ROCK2: variants seen among roughly 807,000 people sequenced by gnomAD.
ROCK2 encodes the protein Rho associated coiled-coil containing protein kinase 2, also known as rho-associated protein kinase 2.
A neutral mutation model predicts 195.1 loss-of-function variants in ROCK2; 61 were observed. That is an observed-to-expected ratio of 0.31 (90% confidence interval 0.25 to 0.39). The LOEUF is 0.39. Ranked by LOEUF, ROCK2 falls within the 10% of genes least tolerant of loss-of-function variation. ROCK2 has a pLI of 1.00. For missense variants in ROCK2, 1,109 were observed against 1,637.4 expected, an observed-to-expected ratio of 0.68 and a Z score of 5.57; for synonymous variants, 504 against 545.5, an observed-to-expected ratio of 0.92 and a Z score of 1.06.
At chr2:11,219,284 G>T (rs1664540661) in intron 9 of ROCK2, among the ~76,000 whole-genome samples, 1 of 135,092 alleles carries the variant, frequency 7.4e-6, no homozygotes, top group Non-Finnish European at 1.5e-5. Context: ...AAGATCACCT[G>T]AGGTCAGGAG....
chr2:11,281,489 G>A (rs1200961443), intron 3 of ROCK2, among the ~76,000 whole-genome samples: 1 of 152,084 alleles, frequency 6.6e-6, no homozygotes, highest in Non-Finnish European at 1.5e-5. Flanking sequence ...AAAGTTTCCT[G>A]GAACAAGTCA....
At chr2:11,312,992 G>C (rs749383237) in intron 1 of ROCK2, among the ~76,000 whole-genome samples, 1 of 152,048 alleles carries the variant, frequency 6.6e-6, no homozygotes, top group Non-Finnish European at 1.5e-5. Flanking sequence ...TGATGAAGTG[G>C]AGCACGGGGG....
At chr2:11,208,799 G>A (rs555019036) in intron 18 of ROCK2, among the ~76,000 whole-genome samples, 8 of 152,000 alleles carry the variant, frequency 5.3e-5, no homozygotes, top group African/African-American at 1.9e-4. Context: ...TGCCATGTTG[G>A]CCAGGCTGGT....
chr2:11,263,675 A>C lies in ROCK2; in HGVS notation c.325-13877T>G, dbSNP rs1199505338. Among the ~76,000 whole-genome samples the C allele has an allele frequency of 3.4e-4, 51 of 150,442 alleles. No individual in the cohort carries two copies. The South Asian group carries it at 8.9e-3, about 26-fold the overall frequency. ...GGCACACACACACACACACACACAA[A>C]AAAAAACAAAGAGCATGCTCTGAAA... On this transcript the variant is annotated intron_variant, in intron 3 of 32. Coordinates refer to ENST00000315872, the MANE Select transcript of ROCK2 (RefSeq NM_004850.5).
chr2:11,287,783 G>A (rs1450308122), intron 1 of ROCK2, 47 bp from the exon 2 acceptor site: 2 of 780,684 alleles, frequency 2.6e-6, no homozygotes, highest in Admixed American at 2.9e-5. Flanking sequence ...CAATTTCCAA[G>A]CATTCATTTA....
intron 1 of ROCK2, among the ~76,000 whole-genome samples, chr2:11,343,218 C>CA (rs1669162406): frequency 6.6e-6 from 1 of 152,172 alleles, no homozygotes; most frequent in African/African-American, 2.4e-5. Context: ...TCTATCCTAA[C>CA]AAAAATAAGA....
chr2:11,250,961 A>G (rs1665810041), intron 3 of ROCK2, among the ~76,000 whole-genome samples: 1 of 152,038 alleles, frequency 6.6e-6, no homozygotes, highest in African/African-American at 2.4e-5. Flanking sequence ...GCCTGGAATC[A>G]CCTCCTGTAG....
intron 1 of ROCK2, among the ~76,000 whole-genome samples, chr2:11,324,275 A>G (rs1668481930): frequency 1.3e-5 from 2 of 152,162 alleles, no homozygotes; most frequent in Admixed American, 1.3e-4. Context: ...TCTCCACTAA[A>G]AATACAAAAA....
rs1230284027 is a variant in ROCK2 at position 11,197,225 on chromosome 2, T to C, written c.3403A>G (p.Ile1135Val). The stretch of plus-strand genomic sequence containing the variant: ...TCAGCATCCCCTGGTCCACTGCCTA[T>C]ACTGGAACTATCCAGACCAATATGC... ...ALHIGLDSSS[I>V]GSGPGDAEAD... Residue 1135 changes from isoleucine (I) to valine (V), a missense_variant, in exon 27 of 33, where the codon ATA (isoleucine) becomes GTA (valine). This residue lies in a region of ROCK2 where 221 missense variants were observed against 355.1 expected (regional missense o/e 0.62). Transcript: ENST00000315872. This position sits in a 1 kb window ranked among gnomAD's most constrained non-coding sequence, Gnocchi z 4.9. The C allele has an allele frequency of 3.1e-6, 5 of 1,613,772 alleles. No homozygotes were observed. Among genetic ancestry groups the C allele is most frequent in the Non-Finnish European group, 4.2e-6 (5 of 1,179,822 alleles).
At chr2:11,295,461 T>C (rs745324637) in intron 1 of ROCK2, among the ~76,000 whole-genome samples, 12 of 152,008 alleles carry the variant, frequency 7.9e-5, no homozygotes, top group Non-Finnish European at 1.3e-4. Flanking sequence ...AACACATACA[T>C]GCAAGAAAAA....
rs1470236810 is a variant in ROCK2, at chr2:11,212,857, C to G, written c.2044-1017G>C. ...TTACATACCAATGACTCAAATATTT[C>G]TAACTTCTACTACTATAGCCTACTG... is the stretch of plus-strand genomic sequence containing the variant. On this transcript the variant is annotated intron_variant, in intron 17 of 32. Transcript: ENST00000315872. Among the ~76,000 whole-genome samples, 7 of 152,116 alleles carry G rather than the reference C, an allele frequency of 4.6e-5. No individual in the cohort carries two copies. In the East Asian group the frequency reaches 1.2e-3, roughly 25 times the overall value.
intron 4 of ROCK2, among the ~76,000 whole-genome samples, chr2:11,238,115 T>C (rs1665279866): frequency 6.6e-6 from 1 of 152,020 alleles, no homozygotes; most frequent in Admixed American, 6.5e-5. Flanking sequence ...AAGAGGATTA[T>C]TATGTGAGAC....
rs1558297270 is a variant in ROCK2 at position 11,214,416 on chromosome 2, G to GT, written c.1983dup (p.Leu662ThrfsTer17). On this transcript the variant is annotated frameshift_variant, in exon 17 of 33. Transcript: ENST00000315872. LOFTEE classifies it high-confidence loss of function. ...CTCTTCTCCAGTTCTACTTTCGCTA[G>GT]TAAGATTTTGCCGTTCTTTAAATCT... The GT allele has an allele frequency of 6.2e-7, 1 of 1,611,022 alleles. No homozygotes were observed. The highest frequency in any genetic ancestry group is 8.5e-7 in the Non-Finnish European group (1 of 1,177,890).
intron 3 of ROCK2, among the ~76,000 whole-genome samples, chr2:11,259,366 C>T (rs6432183): frequency 0.88 from 133,296 of 150,864 alleles, 59,379 homozygotes; most frequent in East Asian, 0.99. Flanking sequence ...GTAAATGGAA[C>T]TGCAAGACAA....
chr2:11,226,575 TAA>T lies in ROCK2; in HGVS notation c.868+677_868+678del, dbSNP rs535684669. Among the ~76,000 whole-genome samples the T allele has an allele frequency of 1.8e-3, 279 of 152,210 alleles. 1 individual carries two copies. Among genetic ancestry groups the T allele is most frequent in the African/African-American group, 6.5e-3 (272 of 41,536 alleles). ...TCTCTACTACTATTGGGACAAATAT[TAA>T]GTCTTATATTTAAATATTATAACAA... On this transcript the variant is annotated intron_variant, in intron 6 of 32. Transcript: ENST00000315872.
intron 30 of ROCK2, 44 bp downstream of exon 30, chr2:11,193,730 AAAAAC>A (rs1297788731): frequency 1.4e-5 from 16 of 1,152,564 alleles, no homozygotes; most frequent in Non-Finnish European, 1.9e-5. Flanking sequence ...TAAATGTGAA[AAAAAC>A]AAAACAAAGC....
upstream of ROCK2, among the ~76,000 whole-genome samples, chr2:11,345,170 C>T (rs946690499): frequency 2.6e-5 from 4 of 152,220 alleles, no homozygotes; most frequent in African/African-American, 9.6e-5. Context: ...AGAGGGGGCC[C>T]TGGGTGTCTG....
At chr2:11,236,609 C>A (rs547462076) in intron 4 of ROCK2, among the ~76,000 whole-genome samples, 1 of 152,234 alleles carries the variant, frequency 6.6e-6, no homozygotes, top group African/African-American at 2.4e-5. Flanking sequence ...TACTGACCCC[C>A]CAAACAGACA....
At chr2:11,236,065 C>A in intron 4 of ROCK2, 103 bp from the exon 5 acceptor site, 1 of 1,086,164 alleles carries the variant, frequency 9.2e-7, no homozygotes, top group South Asian at 2.4e-5. Flanking sequence ...AAAAGGCAAA[C>A]TATTTTATAA....
Sources: allele counts gnomAD v4.1 joint callset (sites outside exome capture counted in the v4.1 genomes callset), GRCh38; gene constraint gnomAD v4.1.1; regional missense constraint gnomAD v4.1.1; non-coding constraint Gnocchi (gnomAD v3.1); transcripts MANE v1.5; gene names NCBI Gene and HGNC (gene_info 2026-07-23, HGNC 2026-07-21).